ADAMTSL1: variants seen among roughly 807,000 people sequenced by gnomAD.
The protein encoded by ADAMTSL1 is ADAMTS like 1.
In ADAMTSL1, 126 loss-of-function variants were observed where a neutral mutation model predicts 201.8. That is an observed-to-expected ratio of 0.62 (90% confidence interval 0.54 to 0.72). The LOEUF (loss-of-function observed/expected upper bound fraction) is 0.72. ADAMTSL1 is among the 30% of genes least tolerant of loss of function. The pLI is 0.00. For missense variants in ADAMTSL1, 2,679 were observed against 2,277.8 expected (o/e 1.18, Z -3.59); for synonymous variants, 1,121 against 903.4 (o/e 1.24, Z -4.32).
chr9:18,715,468 C>A lies in ADAMTSL1; in HGVS notation c.1877-6068C>A, dbSNP rs953202016. Among the ~76,000 whole-genome samples, 279 of 152,016 alleles carry A rather than the reference C, an allele frequency of 1.8e-3. 3 individuals carry two copies. The East Asian group carries it at 0.023, about 12-fold the overall frequency. The stretch of plus-strand genomic sequence containing the variant: ...CAGACAAACAGAGAGCCAAATCATG[C>A]GTGAACTCCCATTCACAATTGCTTC... On this transcript the variant is annotated intron_variant, in intron 14 of 28. Transcript: ENST00000380548.
intron 21 of ADAMTSL1, among the ~76,000 whole-genome samples, chr9:18,820,149 G>A (rs764250552): frequency 6.6e-6 from 1 of 152,058 alleles, no homozygotes; most frequent in Non-Finnish European, 1.5e-5. Context: ...ACTCCATAAG[G>A]GCCTGCTTAA....
chr9:18,225,869 A>G (rs914449746), intron 2 of ADAMTSL1, among the ~76,000 whole-genome samples: 7 of 152,088 alleles, frequency 4.6e-5, no homozygotes, highest in African/African-American at 1.7e-4. Context: ...GGTGTGTATT[A>G]AAATAACAAA....
At chr9:18,907,132 A>C (rs1830360897) in intron 28 of ADAMTSL1, 3 of 556,352 alleles carry the variant, frequency 5.4e-6, no homozygotes, top group East Asian at 3.2e-5. Context: ...CATGATCTCC[A>C]TCCTGGCCCT....
chr9:18,718,561 G>A, intron 14 of ADAMTSL1: 2 of 465,692 alleles, frequency 4.3e-6, no homozygotes, highest in Non-Finnish European at 8.6e-6. Context: ...TACCTCTCAC[G>A]CTGTCACCGG....
intron 5 of ADAMTSL1, among the ~76,000 whole-genome samples, chr9:18,634,490 G>A (rs1015604542): frequency 2.0e-5 from 3 of 151,986 alleles, no homozygotes; most frequent in Non-Finnish European, 4.4e-5. Flanking sequence ...TTGAGCCCGG[G>A]AAGCTAAGGC....
At chr9:18,906,974 A>C (rs1208935071) in intron 28 of ADAMTSL1, 62 bp downstream of exon 28, 1 of 1,587,140 alleles carries the variant, frequency 6.3e-7, no homozygotes, top group Non-Finnish European at 8.6e-7. Flanking sequence ...TGCAGAGAGC[A>C]GTCCCTGGGA....
chr9:18,038,100 G>A (rs1337242102), intron 1 of ADAMTSL1, among the ~76,000 whole-genome samples: 1 of 152,190 alleles, frequency 6.6e-6, no homozygotes, highest in Non-Finnish European at 1.5e-5. Context: ...GGATGTCACT[G>A]ACCTGGCTTC....
chr9:18,862,050 C>G (rs776848022), intron 23 of ADAMTSL1, among the ~76,000 whole-genome samples: 3 of 152,186 alleles, frequency 2.0e-5, no homozygotes, highest in Non-Finnish European at 2.9e-5. Flanking sequence ...CCGTGGAATT[C>G]CTAGTCAGCA....
At chr9:18,853,857 C>A (rs951458520) in intron 23 of ADAMTSL1, among the ~76,000 whole-genome samples, 5 of 150,190 alleles carry the variant, frequency 3.3e-5, no homozygotes, top group Non-Finnish European at 1.5e-5. Flanking sequence ...AAGTCCAGTA[C>A]TTGGCCTGTG....
At chr9:18,190,015 G>A (rs1052279473) in intron 2 of ADAMTSL1, among the ~76,000 whole-genome samples, 1 of 152,160 alleles carries the variant, frequency 6.6e-6, no homozygotes, top group African/African-American at 2.4e-5. Context: ...AATCTATCTA[G>A]AACAAGAATG....
chr9:17,960,640 T>A (rs1191193088), intron 1 of ADAMTSL1, among the ~76,000 whole-genome samples: 2 of 152,210 alleles, frequency 1.3e-5, no homozygotes. Flanking sequence ...CATGCAACAT[T>A]GTCTTTTTCC....
chr9:18,111,390 T>A (rs750819862), intron 1 of ADAMTSL1, among the ~76,000 whole-genome samples: 2 of 152,172 alleles, frequency 1.3e-5, no homozygotes, highest in Non-Finnish European at 2.9e-5. Context: ...TAAGGAAAAT[T>A]TTATCCATGT....
chr9:18,550,351 C>G (rs547621029), intron 3 of ADAMTSL1, among the ~76,000 whole-genome samples: 3 of 151,872 alleles, frequency 2.0e-5, no homozygotes, highest in East Asian at 3.9e-4. Context: ...AAAAGCAGAG[C>G]GCTTTCCTCA....
chr9:18,713,723 T>C (rs943390232), intron 14 of ADAMTSL1, among the ~76,000 whole-genome samples: 1 of 148,984 alleles, frequency 6.7e-6, no homozygotes, highest in Non-Finnish European at 1.5e-5. Context: ...ACCCAGGAAT[T>C]GAACTCAGCT....
intron 2 of ADAMTSL1, among the ~76,000 whole-genome samples, chr9:18,313,905 G>T (rs1395695758): frequency 6.6e-6 from 1 of 152,076 alleles, no homozygotes; most frequent in Non-Finnish European, 1.5e-5. Flanking sequence ...CTATAGAATG[G>T]GAGAAATAAT....
chr9:18,802,433 C>T (rs73421125), intron 20 of ADAMTSL1, among the ~76,000 whole-genome samples: 4,038 of 152,256 alleles, frequency 0.027, 186 homozygotes, highest in African/African-American at 0.093. Flanking sequence ...CTCCATAAAT[C>T]TACCTAATCT....
In ADAMTSL1 at chr9:18,544,460, C is replaced by A. The variant is rs562288663; in HGVS notation, c.237+11168C>A. On this transcript the variant is annotated intron_variant, in intron 3 of 28. Transcript: ENST00000380548. ...AAAACTGATTTCTGTTTGATGGCAT[C>A]TTTCTAGTATACTTAAAGGGCCATA... is the stretch of plus-strand genomic sequence containing the variant. Among the ~76,000 whole-genome samples, 38 of 151,862 alleles carry A rather than the reference C, an allele frequency of 2.5e-4. No homozygotes were observed. The South Asian group carries it at 7.5e-3, about 30-fold the overall frequency.
intron 2 of ADAMTSL1, among the ~76,000 whole-genome samples, chr9:18,189,450 G>C (rs754081045): frequency 3.3e-5 from 5 of 152,086 alleles, no homozygotes; most frequent in Non-Finnish European, 7.4e-5. Flanking sequence ...AAGACAACTA[G>C]CAAGCAAATA....
chr9:18,324,165 T>G (rs7873524), intron 2 of ADAMTSL1, among the ~76,000 whole-genome samples: 3,245 of 152,318 alleles, frequency 0.021, 73 homozygotes, highest in African/African-American at 0.059. Context: ...TATAGCCATA[T>G]GTATATTTAC....
Sources: gnomAD v4.1 joint callset for allele counts (sites outside exome capture counted in the v4.1 genomes callset) on GRCh38, gnomAD v4.1.1 for gene constraint, MANE v1.5 for transcripts, NCBI Gene and HGNC (gene_info 2026-07-23, HGNC 2026-07-21) for gene names.